Variants in PLXDC2 observed in about 807,000 individuals in gnomAD.
The protein encoded by PLXDC2 is plexin domain-containing protein 2.
Under a neutral mutation model 68.9 loss-of-function variants are expected in PLXDC2, and 40 were observed. That is an observed-to-expected ratio of 0.58 (90% CI 0.45 to 0.76). PLXDC2 has a LOEUF of 0.76. Ranked by LOEUF, PLXDC2 falls within the 30% of genes least tolerant of loss-of-function variation. The pLI is 0.00. For synonymous variants in PLXDC2, 243 were observed against 234.2 expected (o/e 1.04, Z -0.34); for missense variants, 644 against 661.9 (o/e 0.97, Z 0.30).
chr10:20,009,498 G>T (rs1468966597), intron 2 of PLXDC2, among the ~76,000 whole-genome samples: 29 of 151,940 alleles, frequency 1.9e-4, no homozygotes. Flanking sequence ...TGCACATCTT[G>T]GACCTCCAAG....
At chr10:19,842,377 G>A (rs1178444856) in intron 1 of PLXDC2, among the ~76,000 whole-genome samples, 1 of 152,050 alleles carries the variant, frequency 6.6e-6, no homozygotes, top group African/African-American at 2.4e-5. Context: ...AATACTCACC[G>A]GTGTACAGTA....
chr10:19,939,889 AT>A (rs1392707017), intron 1 of PLXDC2, among the ~76,000 whole-genome samples: 2 of 150,008 alleles, frequency 1.3e-5, no homozygotes, highest in African/African-American at 2.5e-5. Flanking sequence ...GAGAATTCTA[AT>A]TTTCCACCTA....
chr10:19,894,511 CT>C (rs1417995048), intron 1 of PLXDC2, among the ~76,000 whole-genome samples: 1 of 152,114 alleles, frequency 6.6e-6, no homozygotes, highest in East Asian at 1.9e-4. Context: ...AACTACTTTT[CT>C]TTTTTACTTG....
chr10:20,030,966 A>G (rs1447703993), intron 2 of PLXDC2, among the ~76,000 whole-genome samples: 1 of 152,166 alleles, frequency 6.6e-6, no homozygotes, highest in Non-Finnish European at 1.5e-5. Context: ...TGAGACAGCA[A>G]ATGGAGATAG....
At chr10:19,973,336 G>GTGTATATATGTATACATATATATA (rs1319938360) in intron 1 of PLXDC2, among the ~76,000 whole-genome samples, 5 of 146,198 alleles carry the variant, frequency 3.4e-5, no homozygotes, top group African/African-American at 1.3e-4. Flanking sequence ...ACATATATAT[G>GTGTATATATGTATACATATATATA]TGTATATATG....
chr10:19,859,333 C>T (rs541632875), intron 1 of PLXDC2, among the ~76,000 whole-genome samples: 1 of 152,266 alleles, frequency 6.6e-6, no homozygotes, highest in East Asian at 1.9e-4. Flanking sequence ...CGCTGTAAAA[C>T]CACAAACTCT....
chr10:19,847,123 A>T (rs1159503147), intron 1 of PLXDC2, among the ~76,000 whole-genome samples: 1 of 152,122 alleles, frequency 6.6e-6, no homozygotes, highest in Non-Finnish European at 1.5e-5. Context: ...TTGGGAGGGG[A>T]CACAGAGTCA....
intron 1 of PLXDC2, among the ~76,000 whole-genome samples, chr10:19,940,917 C>T (rs1442689640): frequency 1.3e-5 from 2 of 152,190 alleles, no homozygotes; most frequent in Non-Finnish European, 2.9e-5. Context: ...AAGCTGCCAT[C>T]ACACAGGAAG....
At position 20,287,992 on chromosome 10, in the gene PLXDC2, G is replaced by GC. The variant is rs1836181965; in HGVS notation, c.*8173_*8174insC. On this transcript the variant is annotated 3_prime_UTR_variant, in exon 14 of 14. Transcript: ENST00000377252. ...CACTTCTTGCGGCGGGGGAGGGGGGGGGGGCGGTGGCTTTCCAGATTTTAT... is the reference window on the plus strand; with the variant it reads ...CACTTCTTGCGGCGGGGGAGGGGGGGCGGGGCGGTGGCTTTCCAGATTTTAT... 9.7e-6 allele frequency: 1 copy of GC among 103,444 alleles called. No homozygotes were observed. Among genetic ancestry groups the GC allele is most frequent in the Admixed American group, 9.7e-5 (1 of 10,334 alleles). The allele number at this position is 103,444 out of a possible 1,614,324, so 6.4% of individuals were successfully genotyped here. A position where few individuals can be genotyped will look rare whatever the true frequency, so the allele number is the denominator to read the frequency against.
intron 2 of PLXDC2, among the ~76,000 whole-genome samples, chr10:20,043,717 G>T (rs749058934): frequency 1.3e-5 from 2 of 151,410 alleles, no homozygotes; most frequent in Non-Finnish European, 2.9e-5. Flanking sequence ...CTGTCAATAG[G>T]GAAAAAATTT....
intron 1 of PLXDC2, among the ~76,000 whole-genome samples, chr10:19,953,362 A>G (rs1418580956): frequency 6.6e-6 from 1 of 152,152 alleles, no homozygotes; most frequent in Non-Finnish European, 1.5e-5. Context: ...TTTGGGGTAG[A>G]GCCATTAGAA....
At chr10:20,239,698 A>T (rs1043469443) in intron 12 of PLXDC2, among the ~76,000 whole-genome samples, 4 of 152,178 alleles carry the variant, frequency 2.6e-5, no homozygotes, top group African/African-American at 9.7e-5. Context: ...CTTACTGAGA[A>T]GTTTGTCCCT....
chr10:20,075,272 T>C (rs1445484381), intron 4 of PLXDC2, among the ~76,000 whole-genome samples: 1 of 152,178 alleles, frequency 6.6e-6, no homozygotes, highest in East Asian at 1.9e-4. Flanking sequence ...CACTGCAGCC[T>C]TGACCTCCTA....
intron 9 of PLXDC2, among the ~76,000 whole-genome samples, chr10:20,189,476 C>CGTATATAT (rs71390766): frequency 1.3e-5 from 1 of 75,808 alleles, no homozygotes; most frequent in Admixed American, 1.6e-4. Context: ...AAAGGTAGGC[C>CGTATATAT]ATATATATAT....
intron 4 of PLXDC2, among the ~76,000 whole-genome samples, chr10:20,123,399 G>C (rs980532991): frequency 6.6e-6 from 1 of 152,110 alleles, no homozygotes; most frequent in Non-Finnish European, 1.5e-5. Flanking sequence ...TGGACGTCAG[G>C]CATCTCAGAT....
chr10:19,858,359 T>A (rs1401137871), intron 1 of PLXDC2, among the ~76,000 whole-genome samples: 1 of 152,206 alleles, frequency 6.6e-6, no homozygotes. Flanking sequence ...AACCGAAATC[T>A]GCAGTGTTTG....
chr10:20,112,561 T>G (rs1286341384), intron 4 of PLXDC2, among the ~76,000 whole-genome samples: 4 of 152,196 alleles, frequency 2.6e-5, no homozygotes, highest in Admixed American at 6.5e-5. Flanking sequence ...TTTAATTTGT[T>G]AAGCTGTCAT....
chr10:19,974,387 G>A (rs769830488), intron 1 of PLXDC2, among the ~76,000 whole-genome samples: 1 of 152,178 alleles, frequency 6.6e-6, no homozygotes, highest in African/African-American at 2.4e-5. Context: ...GCCAGTCTAT[G>A]GGCTGAAATG....
chr10:20,218,978 G>A lies in PLXDC2; in HGVS notation c.1274-86G>A, dbSNP rs914367516. ...ATCTAGTCATGTTCCGACCAAGGCAGTTAGTAGACAATTACTAGTCATAAG... is the reference window on the plus strand; with the variant it reads ...ATCTAGTCATGTTCCGACCAAGGCAATTAGTAGACAATTACTAGTCATAAG... On this transcript the variant is annotated intron_variant, in intron 11 of 13. Coordinates refer to ENST00000377252, the MANE Select transcript of PLXDC2 (RefSeq NM_032812.9). 2.1e-6 allele frequency: 3 copies of A among 1,431,282 alleles called. No individual in the cohort carries two copies. In the Admixed American group the frequency reaches 6.0e-5, roughly 29 times the overall value. The allele number at this position is 1,431,282 out of a possible 1,614,324, so 88.7% of individuals were successfully genotyped here.
Sources: allele counts gnomAD v4.1 joint callset (sites outside exome capture counted in the v4.1 genomes callset), GRCh38; gene constraint gnomAD v4.1.1; transcripts MANE v1.5; gene names NCBI Gene and HGNC (gene_info 2026-07-23, HGNC 2026-07-21).